The following MTOR variants were observed in gnomAD, a reference collection of about 807,000 sequenced individuals.
The protein encoded by MTOR is mechanistic target of rapamycin kinase.
In MTOR, 70 loss-of-function variants were observed where a neutral mutation model predicts 319.8. The observed-to-expected ratio is 0.22, with a 90% confidence interval of 0.18 to 0.27. The LOEUF is 0.27. Ranked by LOEUF, MTOR falls within the 10% of genes least tolerant of loss-of-function variation. MTOR has a pLI of 1.00. For synonymous variants in MTOR, 1,183 were observed against 1,211.4 expected (o/e 0.98, Z 0.49); for missense variants, 1,890 against 3,274.4 (o/e 0.58, Z 10.32).
intron 49 of MTOR, among the ~76,000 whole-genome samples, chr1:11,118,040 C>T (rs1311007261): frequency 6.6e-6 from 1 of 151,734 alleles, no homozygotes; most frequent in Non-Finnish European, 1.5e-5. Flanking sequence ...AATCATGCCA[C>T]TGCACTCCAG....
At chr1:11,110,531 G>A (rs1281082242) in intron 54 of MTOR, among the ~76,000 whole-genome samples, 1 of 151,916 alleles carries the variant, frequency 6.6e-6, no homozygotes, top group Non-Finnish European at 1.5e-5. Flanking sequence ...CGAGTAGCTG[G>A]GATTACAGGC....
chr1:11,238,666 C>T, intron 11 of MTOR, 49 bp from the exon 12 acceptor site: 1 of 1,507,410 alleles, frequency 6.6e-7, no homozygotes, highest in Non-Finnish European at 9.0e-7. Context: ...CTGCTGTAGA[C>T]AGGTAGGTCT....
intron 2 of MTOR, among the ~76,000 whole-genome samples, chr1:11,259,004 TAAAAG>T (rs753644361): frequency 2.0e-5 from 3 of 151,996 alleles, no homozygotes; most frequent in Non-Finnish European, 2.9e-5. Flanking sequence ...AATAAAAAGT[TAAAAG>T]AAACAGCTAA....
chr1:11,113,339 T>C (rs1641991081), intron 53 of MTOR, among the ~76,000 whole-genome samples: 1 of 151,972 alleles, frequency 6.6e-6, no homozygotes, highest in Non-Finnish European at 1.5e-5. Flanking sequence ...ACTTGGTTAA[T>C]ACTGAAGAAT....
At chr1:11,194,099 T>C (rs191853326) in intron 28 of MTOR, among the ~76,000 whole-genome samples, 4 of 152,298 alleles carry the variant, frequency 2.6e-5, no homozygotes, top group African/African-American at 9.6e-5. Flanking sequence ...CAAATCTTAC[T>C]GATACTGTTT....
intron 50 of MTOR, among the ~76,000 whole-genome samples, chr1:11,116,591 T>C (rs1308182448): frequency 6.6e-6 from 1 of 152,206 alleles, no homozygotes; most frequent in Non-Finnish European, 1.5e-5. Flanking sequence ...ATTATAGGCA[T>C]GAGCCAATGA....
intron 24 of MTOR, 45 bp downstream of exon 24, chr1:11,210,769 G>A (rs757485920): frequency 1.2e-5 from 17 of 1,395,548 alleles, no homozygotes; most frequent in Non-Finnish European, 1.2e-5. Context: ...ATATCAAGTA[G>A]TAAAGACAAC....
chr1:11,241,897 G>GC, intron 9 of MTOR, among the ~76,000 whole-genome samples: 1 of 152,298 alleles, frequency 6.6e-6, no homozygotes, highest in African/African-American at 2.4e-5. Context: ...GCAGTAAAGT[G>GC]TCTTAAGGAA....
chr1:11,137,404 G>T (rs1469727904), intron 36 of MTOR, among the ~76,000 whole-genome samples: 2 of 152,088 alleles, frequency 1.3e-5, no homozygotes, highest in African/African-American at 4.8e-5. Context: ...GGGAGGCTGG[G>T]TATTAAGTTT....
chr1:11,256,470 C>T (rs1365978006), intron 4 of MTOR, among the ~76,000 whole-genome samples: 1 of 152,250 alleles, frequency 6.6e-6, no homozygotes, highest in African/African-American at 2.4e-5. Context: ...TACCACTATA[C>T]TAACAGCCTA....
chr1:11,247,762 G>A (rs759581416), intron 7 of MTOR, 29 bp from the exon 8 acceptor site: 3 of 1,613,998 alleles, frequency 1.9e-6, no homozygotes, highest in Non-Finnish European at 2.5e-6. Flanking sequence ...AGGGTTGGCA[G>A]GGGAAAAGTG....
chr1:11,180,812 C>A (rs1645123110), intron 28 of MTOR, among the ~76,000 whole-genome samples: 1 of 148,550 alleles, frequency 6.7e-6, no homozygotes, highest in South Asian at 2.1e-4. Flanking sequence ...GAGTCTTGCT[C>A]TGTCGCCAGG....
intron 39 of MTOR, 148 bp downstream of exon 39, chr1:11,130,381 A>G: frequency 8.0e-7 from 1 of 1,252,088 alleles, no homozygotes; most frequent in Non-Finnish European, 1.1e-6. Context: ...TATCTCAGGC[A>G]GTGCTGGATG....
chr1:11,116,915 C>A, intron 50 of MTOR, 89 bp downstream of exon 50: 1 of 956,054 alleles, frequency 1.0e-6, no homozygotes, highest in South Asian at 1.6e-5. Flanking sequence ...TACCAAAAAG[C>A]CATATATTTA....
At chr1:11,147,394 G>A (rs1643968115) in intron 31 of MTOR, among the ~76,000 whole-genome samples, 1 of 152,164 alleles carries the variant, frequency 6.6e-6, no homozygotes, top group Non-Finnish European at 1.5e-5. Flanking sequence ...TATTAGACAG[G>A]GGAAATAGCT....
intron 36 of MTOR, among the ~76,000 whole-genome samples, chr1:11,137,152 TAAAAAAAA>T (rs33927011): frequency 4.6e-4 from 34 of 73,356 alleles, no homozygotes; most frequent in African/African-American, 1.6e-3. Context: ...TAAATCTGAT[TAAAAAAAA>T]AAAAAAAAAA....
intron 21 of MTOR, 142 bp downstream of exon 21, chr1:11,213,257 T>C: frequency 2.5e-6 from 2 of 790,372 alleles, no homozygotes; most frequent in South Asian, 1.9e-5. Context: ...CTGCACACAT[T>C]GGGTATTAGT....
At position 11,128,792 on chromosome 1, in the gene MTOR, G is replaced by T; in HGVS notation, c.5811+63C>A. On this transcript the variant is annotated intron_variant, in intron 41 of 57. Coordinates refer to ENST00000361445, the MANE Select transcript of MTOR (RefSeq NM_004958.4). The surrounding 1 kb of genome is among the most constrained non-coding windows in gnomAD (Gnocchi z 5.3). The stretch of plus-strand genomic sequence containing the variant: ...TTGTGACACTGAACACAGCATGCTT[G>T]TAAGAGGAGACACACAGAAGAGAGA... 9.4e-6 allele frequency: 13 copies of T among 1,381,192 alleles called. No individual in the cohort carries two copies. Among genetic ancestry groups the T allele is most frequent in the Non-Finnish European group, 1.2e-5 (12 of 976,234 alleles). The allele number at this position is 1,381,192 out of a possible 1,614,324, so 85.6% of individuals were successfully genotyped here.
intron 28 of MTOR, chr1:11,195,441 C>G (rs1645749801): frequency 6.2e-6 from 1 of 161,386 alleles, no homozygotes; most frequent in Non-Finnish European, 1.4e-5. Flanking sequence ...TTTTGATTCT[C>G]AAAGGATAGG....
Sources: gnomAD v4.1 joint callset for allele counts (sites outside exome capture counted in the v4.1 genomes callset) on GRCh38, gnomAD v4.1.1 for gene constraint, Gnocchi (gnomAD v3.1) non-coding constraint, MANE v1.5 for transcripts, NCBI Gene and HGNC (gene_info 2026-07-23, HGNC 2026-07-21) for gene names.